HIP1: variants seen among roughly 807,000 people sequenced by gnomAD.
HIP1 encodes huntingtin interacting protein 1.
Under a neutral mutation model 147.6 loss-of-function variants are expected in HIP1, and 65 were observed. The ratio of observed to expected loss-of-function variants is 0.44; its 90% CI spans 0.36 to 0.54. HIP1 has a LOEUF of 0.54. HIP1 is among the 20% of genes least tolerant of loss of function. The pLI is 0.00. For missense variants in HIP1, 1,061 were observed against 1,299.6 expected (o/e 0.82, Z 2.82); for synonymous variants, 479 against 504.0 (o/e 0.95, Z 0.67).
In HIP1 at chr7:75,660,216, T is replaced by TAAA. The variant is rs66778859; in HGVS notation, c.121-60972_121-60970dup. Among the ~76,000 whole-genome samples, 9 of 138,952 alleles carry TAAA rather than the reference T, an allele frequency of 6.5e-5. No individual in the cohort carries two copies. The East Asian group carries it at 1.9e-3, about 30-fold the overall frequency. The allele number at this position is 138,952 out of a possible 152,430, so 91.2% of individuals were successfully genotyped here. On this transcript the variant is annotated intron_variant, in intron 1 of 30. Transcript: ENST00000336926. ...GAAGTATTTAAGATACGATACGTGG[T>TAAA]AAAAAAAAAAAAAAAAAATGGCAGC... is the stretch of plus-strand genomic sequence containing the variant.
chr7:75,728,923 T>G (rs1584984773), intron 1 of HIP1, among the ~76,000 whole-genome samples: 2 of 133,208 alleles, frequency 1.5e-5, no homozygotes, highest in South Asian at 2.4e-4. Context: ...TAGTTGTCAG[T>G]GAAGGGGGAG....
At chr7:75,586,604 T>C in intron 5 of HIP1, 149 bp downstream of exon 5, 1 of 629,840 alleles carries the variant, frequency 1.6e-6, no homozygotes, top group African/African-American at 1.8e-5. Flanking sequence ...GGCTTTCCTC[T>C]CTCACAGCTT....
intron 27 of HIP1, among the ~76,000 whole-genome samples, chr7:75,543,960 C>G (rs2116741009): frequency 6.6e-6 from 1 of 152,258 alleles, no homozygotes; most frequent in South Asian, 2.1e-4. Flanking sequence ...ATCACAAGGT[C>G]AGGAGATCGA....
At chr7:75,627,855 C>G (rs1554508222) in intron 1 of HIP1, among the ~76,000 whole-genome samples, 1 of 152,158 alleles carries the variant, frequency 6.6e-6, no homozygotes, top group African/African-American at 2.4e-5. Flanking sequence ...TCAAGGGGAG[C>G]TGGGCACAGG....
intron 1 of HIP1, among the ~76,000 whole-genome samples, chr7:75,612,228 A>G (rs587629038): frequency 1.1e-4 from 16 of 152,288 alleles, no homozygotes; most frequent in Admixed American, 7.2e-4. Context: ...AAGGCAGAGG[A>G]GGCCGGGCAC....
intron 1 of HIP1, among the ~76,000 whole-genome samples, chr7:75,686,896 G>C (rs1215589936): frequency 6.9e-6 from 1 of 145,708 alleles, no homozygotes; most frequent in Non-Finnish European, 1.5e-5. Flanking sequence ...TGTTGCCCAG[G>C]CTGGCTTCAA....
chr7:75,642,357 G>A (rs956808100), intron 1 of HIP1, among the ~76,000 whole-genome samples: 5 of 152,160 alleles, frequency 3.3e-5, no homozygotes, highest in Admixed American at 3.3e-4. Context: ...GGCCAACATG[G>A]TGAAACCGTC....
At chr7:75,613,134 T>TAGAA (rs1409538729) in intron 1 of HIP1, among the ~76,000 whole-genome samples, 1 of 150,904 alleles carries the variant, frequency 6.6e-6, no homozygotes, top group African/African-American at 2.4e-5. Flanking sequence ...AAAAGAAAAC[T>TAGAA]AGAAAGAAAG....
At chr7:75,726,734 C>T (rs117548085) in intron 1 of HIP1, among the ~76,000 whole-genome samples, 11,851 of 144,422 alleles carry the variant, frequency 0.082, 697 homozygotes, top group Middle Eastern at 0.14. Context: ...GACAGAGTCT[C>T]GCTCTGTCCA....
At chr7:75,578,637 C>A (rs1473545154) in intron 7 of HIP1, among the ~76,000 whole-genome samples, 1 of 152,098 alleles carries the variant, frequency 6.6e-6, no homozygotes, top group Non-Finnish European at 1.5e-5. Flanking sequence ...GGAATCGCAC[C>A]ACTGCATTCC....
In HIP1 at chr7:75,539,417, C is replaced by T. The variant is rs781869197; in HGVS notation, c.2967G>A (p.Glu989=). The change falls in exon 30 of 31, where the codon GAG becomes GAA. Residue 989 remains glutamate, a synonymous_variant. Coordinates refer to ENST00000336926, the MANE Select transcript of HIP1 (RefSeq NM_005338.7). ...QEMDSQVRVL[E]LENELQKERQ... ...GCTCCTTCTGCAATTCATTTTCTAG[C>T]TCTAGCACCCTAACCTGTAAGGGAA... 2 of 1,613,702 alleles carry T rather than the reference C, an allele frequency of 1.2e-6. No individual in the cohort carries two copies. The highest frequency in any genetic ancestry group is 1.7e-5 in the Admixed American group (1 of 60,022).
At chr7:75,735,665 CTCTTTTCTTT>C (rs143807962) in intron 1 of HIP1, among the ~76,000 whole-genome samples, 1 of 149,878 alleles carries the variant, frequency 6.7e-6, no homozygotes, top group South Asian at 2.1e-4. Context: ...TAGGGCTGTT[CTCTTTTCTTT>C]TCTTTTCTTT....
intron 1 of HIP1, among the ~76,000 whole-genome samples, chr7:75,716,671 C>G (rs1457708338): frequency 3.3e-5 from 5 of 151,876 alleles, no homozygotes; most frequent in African/African-American, 1.2e-4. Context: ...AGGCGCCCAC[C>G]AACATGCCCG....
At chr7:75,540,145 T>C (rs1794247123) in intron 29 of HIP1, among the ~76,000 whole-genome samples, 1 of 152,172 alleles carries the variant, frequency 6.6e-6, no homozygotes, top group Non-Finnish European at 1.5e-5. Context: ...GAATATTTGC[T>C]GGCCGGGCAT....
In HIP1 at chr7:75,562,903, A is replaced by G. The variant is rs201185088; in HGVS notation, c.1020+32T>C. 1,503 of 1,612,356 alleles carry G rather than the reference A, an allele frequency of 9.3e-4. 1 individual carries two copies. Among genetic ancestry groups the G allele is most frequent in the Non-Finnish European group, 1.2e-3 (1,383 of 1,178,790 alleles). ...TCCCCTGTACTTGCAGGTGAGAGGA[A>G]AGGCCAAGTTTCTCTCCCAAGTGGT... On this transcript the variant is annotated intron_variant, in intron 11 of 30. Transcript: ENST00000336926.
chr7:75,613,864 A>G (rs1797532344), intron 1 of HIP1, among the ~76,000 whole-genome samples: 2 of 151,924 alleles, frequency 1.3e-5, no homozygotes, highest in African/African-American at 4.8e-5. Flanking sequence ...AGCTGAGACG[A>G]CAGGTGCATG....
chr7:75,687,437 A>G (rs1554517684), intron 1 of HIP1, among the ~76,000 whole-genome samples: 1 of 152,172 alleles, frequency 6.6e-6, no homozygotes, highest in East Asian at 1.9e-4. Flanking sequence ...CATGCCTGTA[A>G]TCTCATCACT....
At chr7:75,546,558 T>C (rs1554491061) in intron 25 of HIP1, among the ~76,000 whole-genome samples, 1 of 152,248 alleles carries the variant, frequency 6.6e-6, no homozygotes, top group East Asian at 1.9e-4. Flanking sequence ...GTGAGTTGAC[T>C]CTGCTGTTAG....
intron 1 of HIP1, among the ~76,000 whole-genome samples, chr7:75,692,689 C>T (rs1320847704): frequency 6.6e-6 from 1 of 151,818 alleles, no homozygotes; most frequent in Non-Finnish European, 1.5e-5. Context: ...CTTGGCCTCC[C>T]GAAGTGCTGG....
Sources: gnomAD v4.1 joint callset for allele counts (sites outside exome capture counted in the v4.1 genomes callset) on GRCh38, gnomAD v4.1.1 for gene constraint, MANE v1.5 for transcripts, NCBI Gene and HGNC (gene_info 2026-07-23, HGNC 2026-07-21) for gene names.